Variants in FMO1 observed in about 807,000 individuals in gnomAD.
FMO1 encodes flavin containing dimethylaniline monoxygenase 1.
A neutral mutation model predicts 45.4 loss-of-function variants in FMO1; 36 were observed. That is an observed-to-expected ratio of 0.79 (90% confidence interval 0.61 to 1.05). The LOEUF (loss-of-function observed/expected upper bound fraction) is 1.05, where lower values mean the gene tolerates loss of function less well. Among genes scored for constraint, FMO1 ranks in the 50% least tolerant of loss-of-function variants. FMO1 has a pLI of 0.00. For synonymous variants in FMO1, 228 were observed against 227.2 expected (o/e 1.00, Z -0.03); for missense variants, 615 against 640.3 (o/e 0.96, Z 0.43).
rs1558019588 is a variant in FMO1 at position 171,282,344 on chromosome 1, G to C, written c.1183+11G>C. ...TTCGAGTCCTGAAAGGTAAGTATAA[G>C]AAATAGCAGGGCATGTGTTTTTGGT... is the stretch of plus-strand genomic sequence containing the variant. On this transcript the variant is annotated intron_variant, in intron 7 of 8. Coordinates refer to ENST00000617670, the MANE Select transcript of FMO1 (RefSeq NM_001282693.2). 1 of 1,563,084 alleles carries C rather than the reference G, an allele frequency of 6.4e-7. No homozygotes were observed.
chr1:171,285,505 T>C lies in FMO1; in HGVS notation c.1560T>C (p.Phe520=), dbSNP rs1315798458. The C allele has an allele frequency of 1.3e-6, 2 of 1,514,562 alleles. No individual in the cohort carries two copies. Among genetic ancestry groups the C allele is most frequent in the East Asian group, 2.3e-5 (1 of 43,602 alleles). 93.8% of individuals were successfully genotyped at this position (1,514,562 alleles called of 1,614,324 possible). A position where few individuals can be genotyped will look rare whatever the true frequency, so the allele number is the denominator to read the frequency against. Residue 520 remains phenylalanine (F), a synonymous_variant, in exon 9 of 9, where the codon TTT becomes TTC. Transcript: ENST00000617670. ...AAAGTTTTCTTAAAGTCTTTAGCTT[T>C]CTGGCTTTGCTTGTGGCTATTTTTC... ...PFESFLKVFS[F]LALLVAIFLI...
chr1:171,282,362 T>C, intron 7 of FMO1, 29 bp downstream of exon 7: 2 of 1,460,866 alleles, frequency 1.4e-6, no homozygotes, highest in Non-Finnish European at 1.9e-6. Context: ...AGGGCATGTG[T>C]TTTTGGTGTG....
chr1:171,275,595 G>A, intron 4 of FMO1, 87 bp downstream of exon 4: 1 of 956,264 alleles, frequency 1.0e-6, no homozygotes, highest in South Asian at 1.9e-5. Flanking sequence ...TCCTATGGCT[G>A]TTCCATTAAA....
In FMO1 at chr1:171,280,910, T is replaced by C. The variant is rs150268968; in HGVS notation, c.752T>C (p.Ile251Thr). 2.6e-4 allele frequency: 424 copies of C among 1,613,934 alleles called. 2 individuals are homozygous for C. The African/African-American group carries it at 4.7e-3, about 18-fold the overall frequency. Residue 251 changes from isoleucine to threonine, a missense_variant, in exon 6 of 9, where the codon ATT (isoleucine) becomes ACT (threonine). Ile to Thr is a moderately conservative substitution (Grantham distance 89). Coordinates refer to ENST00000617670, the MANE Select transcript of FMO1 (RefSeq NM_001282693.2). ...NMLRNSLPTP[I>T]VTWLMERKIN... ...TTGAGAAATTCCCTCCCAACCCCAA[T>C]TGTGACTTGGTTGATGGAGCGAAAG...
chr1:171,257,923 A>T, intron 1 of FMO1, 159 bp from the exon 2 acceptor site: 1 of 753,844 alleles, frequency 1.3e-6, no homozygotes, highest in Non-Finnish European at 2.1e-6. Context: ...AGTGACCTGA[A>T]CATTTTCCTT....
At chr1:171,277,401 ATAC>A (rs1263703509) in intron 4 of FMO1, among the ~76,000 whole-genome samples, 1 of 152,172 alleles carries the variant, frequency 6.6e-6, no homozygotes, top group East Asian at 1.9e-4. Flanking sequence ...ATTCACATAT[ATAC>A]ATTCTGCTAT....
rs762545759 is a variant in FMO1, at chr1:171,258,220, G to GT, written c.132+2dup. 1.2e-6 allele frequency: 2 copies of GT among 1,613,944 alleles called. No individual in the cohort carries two copies. Among genetic ancestry groups the GT allele is most frequent in the South Asian group, 2.2e-5 (2 of 91,066 alleles). On this transcript the variant is annotated splice_donor_variant, in intron 2 of 8. Coordinates refer to ENST00000617670, the MANE Select transcript of FMO1 (RefSeq NM_001282693.2). LOFTEE classifies it high-confidence loss of function. ...CCTTGGGGGGCTGTGGAGATTCACC[G>GT]TAAGTGGGGTTTCAACAACTTTATC...
At chr1:171,258,393 A>C (rs1270657240) in intron 2 of FMO1, among the ~76,000 whole-genome samples, 174 bp downstream of exon 2, 1 of 152,196 alleles carries the variant, frequency 6.6e-6, no homozygotes, top group East Asian at 1.9e-4. Flanking sequence ...GACATGGGTG[A>C]GCTAGGGTGG....
chr1:171,285,576 A>G lies in FMO1; in HGVS notation c.*32A>G, dbSNP rs771594629. 7.8e-7 allele frequency: 1 copy of G among 1,287,102 alleles called. No homozygotes were observed. Among genetic ancestry groups the G allele is most frequent in the South Asian group, 1.5e-5 (1 of 66,152 alleles). 79.7% of individuals were successfully genotyped at this position (1,287,102 alleles called of 1,614,324 possible). A position where few individuals can be genotyped will look rare whatever the true frequency, so the allele number is the denominator to read the frequency against. On this transcript the variant is annotated 3_prime_UTR_variant, in exon 9 of 9. Coordinates refer to ENST00000617670, the MANE Select transcript of FMO1 (RefSeq NM_001282693.2). ...GATCTCCTAAATGGAAGATGCACAGAGTAGATTTACAATGCTCCAATTCCT... is the reference window on the plus strand; with the variant it reads ...GATCTCCTAAATGGAAGATGCACAGGGTAGATTTACAATGCTCCAATTCCT...
At chr1:171,257,178 T>C in intron 1 of FMO1, among the ~76,000 whole-genome samples, 1 of 152,180 alleles carries the variant, frequency 6.6e-6, no homozygotes, top group Non-Finnish European at 1.5e-5. Context: ...GAAGGGTTAA[T>C]CTGTCCAAGA....
chr1:171,249,856 A>G (rs1056468463), intron 1 of FMO1, among the ~76,000 whole-genome samples: 4 of 152,180 alleles, frequency 2.6e-5, no homozygotes, highest in African/African-American at 9.7e-5. Flanking sequence ...AACATTGGCT[A>G]ATTGATACAA....
chr1:171,254,741 G>C (rs1660077287), intron 1 of FMO1, among the ~76,000 whole-genome samples: 2 of 152,146 alleles, frequency 1.3e-5, no homozygotes, highest in Admixed American at 1.3e-4. Context: ...CCTAACTCTA[G>C]AGCCCACTTT....
chr1:171,271,270 G>A, intron 3 of FMO1: 2 of 1,172,890 alleles, frequency 1.7e-6, no homozygotes, highest in African/African-American at 1.5e-5. Context: ...GTGATACTCA[G>A]AGCAGAACAG....
At chr1:171,276,225 C>T (rs187381780) in intron 4 of FMO1, among the ~76,000 whole-genome samples, 6 of 152,310 alleles carry the variant, frequency 3.9e-5, no homozygotes, top group Non-Finnish European at 1.5e-5. Context: ...GATCCCAAGA[C>T]TCATCTTACC....
Position 171,282,474 on chromosome 1 carries a change from G to A in FMO1, c.1183+141G>A, listed in dbSNP as rs571408106. On this transcript the variant is annotated intron_variant, in intron 7 of 8. Transcript: ENST00000617670. Reference sequence around the variant, plus strand: ...AGCAGGATGCATTCTATTGTTTGCTGAATTATACTGTCATAATGATTTGTT... The same window carrying A: ...AGCAGGATGCATTCTATTGTTTGCTAAATTATACTGTCATAATGATTTGTT... 22 of 603,094 alleles carry A rather than the reference G, an allele frequency of 3.6e-5. No homozygotes were observed. In the East Asian group the frequency reaches 6.1e-4, roughly 17 times the overall value. The allele number at this position is 603,094 out of a possible 1,614,324, so 37.4% of individuals were successfully genotyped here.
chr1:171,262,113 T>C (rs1168257828), intron 2 of FMO1, among the ~76,000 whole-genome samples: 2 of 152,112 alleles, frequency 1.3e-5, no homozygotes, highest in Non-Finnish European at 2.9e-5. Flanking sequence ...AATTTTAGTA[T>C]AGGAAGAGAC....
chr1:171,263,813 G>T (rs978054152), intron 2 of FMO1, among the ~76,000 whole-genome samples: 2 of 152,152 alleles, frequency 1.3e-5, no homozygotes, highest in African/African-American at 4.8e-5. Flanking sequence ...GTGCAGTGTG[G>T]GTATTGAAGG....
chr1:171,285,595 A>G lies in FMO1; in HGVS notation c.*51A>G, dbSNP rs562701857. The G allele has an allele frequency of 9.0e-7, 1 of 1,110,234 alleles. No homozygotes were observed. Among genetic ancestry groups the G allele is most frequent in the Non-Finnish European group, 1.3e-6 (1 of 778,786 alleles). The allele number at this position is 1,110,234 out of a possible 1,614,324, so 68.8% of individuals were successfully genotyped here. On this transcript the variant is annotated 3_prime_UTR_variant, in exon 9 of 9. Coordinates refer to ENST00000617670, the MANE Select transcript of FMO1 (RefSeq NM_001282693.2). ...GCACAGAGTAGATTTACAATGCTCC[A>G]ATTCCTCTCTTACAGCAATATTGCC...
At chr1:171,254,353 G>A (rs1034439598) in intron 1 of FMO1, among the ~76,000 whole-genome samples, 1 of 152,080 alleles carries the variant, frequency 6.6e-6, no homozygotes, top group Non-Finnish European at 1.5e-5. Flanking sequence ...TCCTCCCAAA[G>A]TGCTAGGATT....
Sources: allele counts gnomAD v4.1 joint callset (sites outside exome capture counted in the v4.1 genomes callset), GRCh38; gene constraint gnomAD v4.1.1; transcripts MANE v1.5; gene names NCBI Gene and HGNC (gene_info 2026-07-23, HGNC 2026-07-21).